Variants in INO80 observed in about 807,000 individuals in gnomAD.
The protein encoded by INO80 is chromatin-remodeling ATPase INO80.
INO80 carries 20 observed loss-of-function variants against 203.4 expected under a neutral mutation model. That is an observed-to-expected ratio of 0.10 (90% CI 0.07 to 0.14). INO80 has a LOEUF of 0.14. INO80 is among the 10% of genes least tolerant of loss of function. The pLI is 1.00. For missense variants in INO80, 1,419 were observed against 1,914.4 expected, an observed-to-expected ratio of 0.74 and a Z score of 4.83; for synonymous variants, 726 against 685.2, an observed-to-expected ratio of 1.06 and a Z score of -0.93.
intron 14 of INO80, among the ~76,000 whole-genome samples, chr15:41,060,580 TAAGACA>T (rs1258136195): frequency 3.2e-4 from 48 of 151,052 alleles, no homozygotes; most frequent in South Asian, 1.3e-3. Context: ...CAAAAAGATG[TAAGACA>T]TAGAGAACAA....
At chr15:41,042,573 A>G (rs1023306800) in intron 24 of INO80, among the ~76,000 whole-genome samples, 2 of 152,064 alleles carry the variant, frequency 1.3e-5, no homozygotes, top group Non-Finnish European at 2.9e-5. Context: ...TCCCGTGTTC[A>G]AGAGTTTCTC....
Position 41,059,901 on chromosome 15 carries a change from T to C in INO80, c.1808A>G (p.His603Arg). 6.2e-7 allele frequency: 1 copy of C among 1,611,888 alleles called. No individual in the cohort carries two copies. The change falls in exon 15 of 36, where the codon CAT (histidine) becomes CGT (arginine). Residue 603 changes from histidine to arginine, a missense_variant. By Grantham distance (29) the His-to-Arg change is conservative. This residue lies in a region of INO80 where 192 missense variants were observed against 406.7 expected (regional missense o/e 0.47). Transcript: ENST00000648947. ...GAACCTTCTGATGACTTTTCTATCA[T>C]GAGGATTTCCCCAATATGGTAGCAC... ...FKVLPYWGNP[H>R]DRKVIRRFWS... is the part of the protein sequence containing the mutation.
intron 11 of INO80, among the ~76,000 whole-genome samples, chr15:41,072,445 G>A (rs2045335853): frequency 6.6e-6 from 1 of 151,748 alleles, no homozygotes; most frequent in African/African-American, 2.4e-5. Flanking sequence ...CTTGGGCCAG[G>A]CGCAGTGGCT....
chr15:41,063,293 C>T (rs2045147167), intron 14 of INO80, among the ~76,000 whole-genome samples: 2 of 151,980 alleles, frequency 1.3e-5, no homozygotes, highest in South Asian at 4.1e-4. Flanking sequence ...GCTGAGATCA[C>T]ATCACTGCAC....
chr15:41,111,331 G>C (rs886285159), intron 1 of INO80, among the ~76,000 whole-genome samples: 1 of 152,144 alleles, frequency 6.6e-6, no homozygotes, highest in Admixed American at 6.5e-5. Flanking sequence ...CTGTAGTCCC[G>C]GTTACTCAGG....
In INO80 at chr15:41,031,993, CACAGG is replaced by C. The variant is rs1405344736; in HGVS notation, c.2908-4262_2908-4258del. Reference sequence around the variant, plus strand: ...CACAGCACAGCACAGCACAGCACAGCACAGGACAGCACAGCACAGCACAGCACAGC... The same window carrying C: ...CACAGCACAGCACAGCACAGCACAGCACAGCACAGCACAGCACAGCACAGC... On this transcript the variant is annotated intron_variant, in intron 24 of 35. Transcript: ENST00000648947. 8.2e-3 allele frequency among the ~76,000 whole-genome samples: 637 copies of C among 77,938 alleles called. 8 individuals are homozygous for C. Among genetic ancestry groups the C allele is most frequent in the Middle Eastern group, 0.019 (3 of 158 alleles). 51.1% of individuals were successfully genotyped at this position (77,938 alleles called of 152,430 possible).
chr15:41,038,676 C>A lies in INO80; in HGVS notation c.2907+6228G>T, dbSNP rs566045364. Among the ~76,000 whole-genome samples, 200 of 152,322 alleles carry A rather than the reference C, an allele frequency of 1.3e-3. 2 individuals are homozygous for A. Among genetic ancestry groups the A allele is most frequent in the African/African-American group, 4.8e-3 (199 of 41,572 alleles). On this transcript the variant is annotated intron_variant, in intron 24 of 35. Transcript: ENST00000648947. Reference sequence around the variant, plus strand: ...TGATCAAAGTCCCTTGATCCCTTTTCTATAATCTTTCTGTTACAACCATTG... The same window carrying A: ...TGATCAAAGTCCCTTGATCCCTTTTATATAATCTTTCTGTTACAACCATTG...
intron 35 of INO80, among the ~76,000 whole-genome samples, chr15:40,982,409 A>G (rs1403669439): frequency 2.0e-5 from 3 of 152,188 alleles, no homozygotes; most frequent in Non-Finnish European, 2.9e-5. Context: ...TCAGTCTCCC[A>G]AAGTGTTGGG....
intron 24 of INO80, among the ~76,000 whole-genome samples, chr15:41,029,949 G>A (rs1192628587): frequency 1.3e-5 from 2 of 152,222 alleles, no homozygotes; most frequent in African/African-American, 4.8e-5. Context: ...GTTCAGGGCT[G>A]CCAGCTGGGA....
Position 41,055,241 on chromosome 15 carries a change from A to T in INO80, c.2188+6T>A. 2 of 1,512,026 alleles carry T rather than the reference A, an allele frequency of 1.3e-6. No individual in the cohort carries two copies. The highest frequency in any genetic ancestry group is 1.8e-6 in the Non-Finnish European group (2 of 1,088,178). The allele number at this position is 1,512,026 out of a possible 1,614,324, so 93.7% of individuals were successfully genotyped here. ...AGATAGAAAGCCAGCTCATAACAGTACTCACTCTCATCAATAGCAGATTTG... is the reference window on the plus strand; with the variant it reads ...AGATAGAAAGCCAGCTCATAACAGTTCTCACTCTCATCAATAGCAGATTTG... On this transcript the variant is annotated splice_donor_region_variant and intron_variant, in intron 18 of 35. Coordinates refer to ENST00000648947, the MANE Select transcript of INO80 (RefSeq NM_017553.3).
In INO80 at chr15:41,056,660, A is replaced by C; in HGVS notation, c.2032T>G (p.Leu678Val). The C allele has an allele frequency of 6.2e-7, 1 of 1,614,180 alleles. No homozygotes were observed. The highest frequency in any genetic ancestry group is 8.5e-7 in the Non-Finnish European group (1 of 1,179,998). Residue 678 changes from leucine (L) to valine (V), a missense_variant, in exon 17 of 36, where the codon TTG (leucine) becomes GTG (valine). Leu to Val is a conservative substitution (Grantham distance 32, BLOSUM62 1). Coordinates refer to ENST00000648947, the MANE Select transcript of INO80 (RefSeq NM_017553.3). ...LLQFQCRNRL[L>V]LTGTPIQNTM... ...TTCTGAATTGGGGTCCCGGTTAGCA[A>C]AAGCCGATTCCGACACTGGAACTGT...
chr15:41,093,981 A>G lies in INO80; in HGVS notation c.381+1620T>C, dbSNP rs186649876. 2.7e-3 allele frequency among the ~76,000 whole-genome samples: 410 copies of G among 152,366 alleles called. 3 individuals are homozygous for G. Among genetic ancestry groups the G allele is most frequent in the South Asian group, 0.013 (62 of 4,830 alleles). ...AACAGCCTAAAGTGCAACTGATATT[A>G]ACCAAATCGGACCTTTTACACATGA... On this transcript the variant is annotated intron_variant, in intron 4 of 35. Coordinates refer to ENST00000648947, the MANE Select transcript of INO80 (RefSeq NM_017553.3).
intron 21 of INO80, among the ~76,000 whole-genome samples, 162 bp from the exon 22 acceptor site, chr15:41,048,438 T>G (rs2044806041): frequency 6.6e-6 from 1 of 152,082 alleles, no homozygotes; most frequent in African/African-American, 2.4e-5. Flanking sequence ...AGCATACATT[T>G]AAAAAAATAC....
chr15:41,017,433 T>A (rs1470388818), intron 26 of INO80: 1 of 152,174 alleles, frequency 6.6e-6, no homozygotes. Flanking sequence ...GGAGATATTA[T>A]ATAGACAACT....
At chr15:41,011,679 A>G (rs1369329054) in intron 27 of INO80, 1 of 151,970 alleles carries the variant, frequency 6.6e-6, no homozygotes, top group Non-Finnish European at 1.5e-5. Flanking sequence ...TTTTCATTCC[A>G]TGGGGCATTT....
At position 41,111,441 on chromosome 15, in the gene INO80, T is replaced by C. The variant is rs1169886574; in HGVS notation, c.-44+4532A>G. Among the ~76,000 whole-genome samples, 4 of 151,916 alleles carry C rather than the reference T, an allele frequency of 2.6e-5. No individual in the cohort carries two copies. In the East Asian group the frequency reaches 7.8e-4, roughly 29 times the overall value. ...AGCCTGGCGAGAGAGCGAGACTCCG[T>C]CTCAAAAAAAAGAATTTTTTTTTTA... On this transcript the variant is annotated intron_variant, in intron 1 of 35. Coordinates refer to ENST00000648947, the MANE Select transcript of INO80 (RefSeq NM_017553.3).
chr15:40,993,789 G>GAAAAAA (rs1454218016), intron 29 of INO80, among the ~76,000 whole-genome samples: 5 of 151,348 alleles, frequency 3.3e-5, no homozygotes, highest in Non-Finnish European at 7.4e-5. Context: ...AAAAGAAAAA[G>GAAAAAA]AAAATACAGC....
At chr15:41,033,716 A>T (rs1414349551) in intron 24 of INO80, among the ~76,000 whole-genome samples, 2 of 152,128 alleles carry the variant, frequency 1.3e-5, no homozygotes, top group Non-Finnish European at 2.9e-5. Context: ...AGAGAAGGAA[A>T]TCTCTGAAAA....
chr15:41,051,008 A>G (rs1398150503), intron 19 of INO80, among the ~76,000 whole-genome samples: 1 of 151,808 alleles, frequency 6.6e-6, no homozygotes, highest in Non-Finnish European at 1.5e-5. Context: ...ACGTGCCTCT[A>G]ATCCCAGCTA....
Sources: allele counts gnomAD v4.1 joint callset (sites outside exome capture counted in the v4.1 genomes callset), GRCh38; gene constraint gnomAD v4.1.1; regional missense constraint gnomAD v4.1.1; transcripts MANE v1.5; gene names NCBI Gene and HGNC (gene_info 2026-07-23, HGNC 2026-07-21).